PIK3C3: variants seen among roughly 807,000 people sequenced by gnomAD.
The protein encoded by PIK3C3 is phosphatidylinositol 3-kinase catalytic subunit type 3.
Under a neutral mutation model 126.1 loss-of-function variants are expected in PIK3C3, and 95 were observed. That is an observed-to-expected ratio of 0.75 (90% CI 0.64 to 0.89). The LOEUF (loss-of-function observed/expected upper bound fraction) is 0.89, where lower values mean the gene tolerates loss of function less well. Ranked by LOEUF, PIK3C3 falls within the 40% of genes least tolerant of loss-of-function variation. PIK3C3 has a pLI of 0.00. For synonymous variants in PIK3C3, 374 were observed against 360.0 expected (o/e 1.04, Z -0.44); for missense variants, 829 against 1,063.2 (o/e 0.78, Z 3.06).
At position 41,995,888 on chromosome 18, in the gene PIK3C3, A is replaced by G. The variant is rs1283081243; in HGVS notation, c.787-2A>G. On this transcript the variant is annotated splice_acceptor_variant, in intron 7 of 24. Transcript: ENST00000262039. LOFTEE classifies it high-confidence loss of function. ...TTGTCAATATTTTAAAATAATTTGT[A>G]GGAGAATTTAGTTGAGAGCAAACAC... 1 of 1,598,124 alleles carries G rather than the reference A, an allele frequency of 6.3e-7. No individual in the cohort carries two copies. The highest frequency in any genetic ancestry group is 8.6e-7 in the Non-Finnish European group (1 of 1,166,076).
In PIK3C3 at chr18:42,027,564, G is replaced by C; in HGVS notation, c.1590+16G>C. The C allele has an allele frequency of 6.6e-7, 1 of 1,514,274 alleles. No homozygotes were observed. The highest frequency in any genetic ancestry group is 1.1e-5 in the South Asian group (1 of 87,838). The allele number at this position is 1,514,274 out of a possible 1,614,324, so 93.8% of individuals were successfully genotyped here. On this transcript the variant is annotated intron_variant, in intron 14 of 24. Transcript: ENST00000262039. Reference sequence around the variant, plus strand: ...ATTGTTGAAGGTAACCCTTAAATGTGAGGGTTGGCAAACTGCAGCACATGG... The same window carrying C: ...ATTGTTGAAGGTAACCCTTAAATGTCAGGGTTGGCAAACTGCAGCACATGG...
intron 6 of PIK3C3, among the ~76,000 whole-genome samples, chr18:41,991,612 T>A (rs1981782372): frequency 6.6e-6 from 1 of 152,206 alleles, no homozygotes; most frequent in Non-Finnish European, 1.5e-5. Flanking sequence ...CACAAGTGAT[T>A]TTTAAAATAT....
intron 12 of PIK3C3, 65 bp downstream of exon 12, chr18:42,015,631 T>C: frequency 9.4e-7 from 1 of 1,065,210 alleles, no homozygotes; most frequent in South Asian, 1.3e-5. Context: ...TTTATACTTG[T>C]CTTTAAAACC....
At chr18:42,053,400 A>G (rs1210860089) in intron 21 of PIK3C3, among the ~76,000 whole-genome samples, 2 of 152,190 alleles carry the variant, frequency 1.3e-5, no homozygotes, top group Non-Finnish European at 1.5e-5. Flanking sequence ...TCCACCATAA[A>G]TGTAAAAGTG....
intron 22 of PIK3C3, among the ~76,000 whole-genome samples, chr18:42,064,023 G>A (rs530073041): frequency 2.0e-3 from 301 of 152,220 alleles, no homozygotes; most frequent in Non-Finnish European, 3.5e-3. Flanking sequence ...TCCCCAGAAG[G>A]CCCCACCTCT....
At chr18:41,958,072 T>C (rs1979883651) in intron 2 of PIK3C3, among the ~76,000 whole-genome samples, 1 of 152,226 alleles carries the variant, frequency 6.6e-6, no homozygotes, top group Admixed American at 6.5e-5. Context: ...TGCTCTTGAA[T>C]GCATAAATAC....
At chr18:41,955,431 G>C in intron 1 of PIK3C3, 72 bp downstream of exon 1, 1 of 1,301,846 alleles carries the variant, frequency 7.7e-7, no homozygotes, top group Non-Finnish European at 1.1e-6. Flanking sequence ...CCTGTTGGGA[G>C]TGAGAGGCAG....
Position 42,020,604 on chromosome 18 carries a change from A to G in PIK3C3, c.1417-34A>G, listed in dbSNP as rs201426971. On this transcript the variant is annotated intron_variant, in intron 12 of 24. Transcript: ENST00000262039. ...TATTTTCCCCCATTACTAGTAGATG[A>G]TAATATATAATACATTTCTTTTAAT... 4.9e-4 allele frequency: 680 copies of G among 1,386,896 alleles called. 3 individuals carry two copies. The African/African-American group carries it at 7.8e-3, about 16-fold the overall frequency. 85.9% of individuals were successfully genotyped at this position (1,386,896 alleles called of 1,614,324 possible). A position where few individuals can be genotyped will look rare whatever the true frequency, so the allele number is the denominator to read the frequency against.
In PIK3C3 at chr18:41,989,667, G is replaced by A. The variant is rs80088344; in HGVS notation, c.619-792G>A. On this transcript the variant is annotated intron_variant, in intron 5 of 24. Coordinates refer to ENST00000262039, the MANE Select transcript of PIK3C3 (RefSeq NM_002647.4). ...GAAGTAACAAGTTTGTAGCCTAGGG[G>A]TAATATGCTACACCATATAACCTCG... Among the ~76,000 whole-genome samples the A allele has an allele frequency of 2.8e-3, 430 of 152,202 alleles. 4 individuals carry two copies. Among genetic ancestry groups the A allele is most frequent in the African/African-American group, 1.0e-2 (415 of 41,538 alleles).
chr18:42,003,634 T>C (rs537634382), intron 9 of PIK3C3, among the ~76,000 whole-genome samples: 2 of 152,278 alleles, frequency 1.3e-5, no homozygotes, highest in East Asian at 1.9e-4. Context: ...AGTGATATAC[T>C]CCAAGACAAT....
At chr18:42,067,222 T>G (rs532085389) in intron 23 of PIK3C3, among the ~76,000 whole-genome samples, 166 bp from the exon 24 acceptor site, 2 of 152,286 alleles carry the variant, frequency 1.3e-5, no homozygotes, top group Admixed American at 1.3e-4. Context: ...ACAGCAAACT[T>G]CCACACTCCA....
intron 21 of PIK3C3, chr18:42,050,209 T>C (rs1984740519): frequency 6.6e-6 from 1 of 152,182 alleles, no homozygotes; most frequent in South Asian, 2.1e-4. Context: ...ACTGTATAGC[T>C]CTAGTTAGAT....
At chr18:42,076,960 A>G (rs939782158) in intron 24 of PIK3C3, among the ~76,000 whole-genome samples, 1 of 152,094 alleles carries the variant, frequency 6.6e-6, no homozygotes, top group Admixed American at 6.6e-5. Flanking sequence ...TATGTTTTTT[A>G]TTTTTATTTT....
Position 41,987,827 on chromosome 18 carries a change from C to A in PIK3C3, c.547C>A (p.Arg183=), listed in dbSNP as rs751754985. The A allele has an allele frequency of 5.6e-6, 9 of 1,605,762 alleles. No individual in the cohort carries two copies. In the African/African-American group the frequency reaches 6.7e-5, roughly 12 times the overall value. ...SRLAKLTKAH[R]QGHMVKVDWL... Reference sequence around the variant, plus strand: ...TATTCTGCAGCTCACCAAAGCTCATCGACAAGGACACATGGTGAAAGTAGA... The same window carrying A: ...TATTCTGCAGCTCACCAAAGCTCATAGACAAGGACACATGGTGAAAGTAGA... Residue 183 remains arginine (R), a synonymous_variant, in exon 5 of 25, where the codon CGA becomes AGA. Transcript: ENST00000262039.
At position 42,085,542 on chromosome 18, in the gene PIK3C3, A is replaced by G. The variant is rs1055549922; in HGVS notation, c.*4405A>G. On this transcript the variant is annotated 3_prime_UTR_variant, in exon 25 of 25. Coordinates refer to ENST00000262039, the MANE Select transcript of PIK3C3 (RefSeq NM_002647.4). ...AAAACACTAGGAATGTCAAAATAGA[A>G]CATAAGAAAATGAGTCTAGTGGACC... is the stretch of plus-strand genomic sequence containing the variant. 6.6e-6 allele frequency: 1 copy of G among 152,212 alleles called. No homozygotes were observed. Among genetic ancestry groups the G allele is most frequent in the African/African-American group, 2.4e-5 (1 of 41,460 alleles). 9.4% of individuals were successfully genotyped at this position (152,212 alleles called of 1,614,324 possible). A position where few individuals can be genotyped will look rare whatever the true frequency, so the allele number is the denominator to read the frequency against.
chr18:42,048,960 A>G (rs760881275), intron 20 of PIK3C3, among the ~76,000 whole-genome samples: 1 of 152,194 alleles, frequency 6.6e-6, no homozygotes, highest in Non-Finnish European at 1.5e-5. Flanking sequence ...TTTTTTTAGA[A>G]TAAAAAGATA....
intron 18 of PIK3C3, among the ~76,000 whole-genome samples, chr18:42,040,156 C>CT (rs55821466): frequency 0.15 from 16,251 of 110,274 alleles, 1,531 homozygotes; most frequent in African/African-American, 0.24. Context: ...GTCCCCTTTC[C>CT]TTTTTTTTTT....
intron 24 of PIK3C3, among the ~76,000 whole-genome samples, chr18:42,072,983 C>T (rs1391963854): frequency 6.6e-6 from 1 of 152,160 alleles, no homozygotes; most frequent in Non-Finnish European, 1.5e-5. Flanking sequence ...TTCTCCCTGT[C>T]ATCCTTTCTT....
At chr18:42,068,445 T>G (rs1985630894) in intron 24 of PIK3C3, among the ~76,000 whole-genome samples, 1 of 152,216 alleles carries the variant, frequency 6.6e-6, no homozygotes, top group African/African-American at 2.4e-5. Context: ...AAATCAATCT[T>G]CTTAATAATG....
Sources: allele counts gnomAD v4.1 joint callset (sites outside exome capture counted in the v4.1 genomes callset), GRCh38; gene constraint gnomAD v4.1.1; transcripts MANE v1.5; gene names NCBI Gene and HGNC (gene_info 2026-07-23, HGNC 2026-07-21).